The following MYOM3 variants were observed in gnomAD, a reference collection of about 807,000 sequenced individuals.
MYOM3 encodes the protein myomesin-3.
A neutral mutation model predicts 191.7 loss-of-function variants in MYOM3; 155 were observed. The ratio of observed to expected loss-of-function variants is 0.81; its 90% CI spans 0.71 to 0.92. The LOEUF is 0.92. Ranked by LOEUF, MYOM3 falls within the 40% of genes least tolerant of loss-of-function variation. MYOM3 has a pLI of 0.00. For synonymous variants in MYOM3, 757 were observed against 762.9 expected, an observed-to-expected ratio of 0.99 and a Z score of 0.13; for missense variants, 1,889 against 1,890.6, an observed-to-expected ratio of 1.00 and a Z score of 0.02.
chr1:24,099,822 G>A, intron 5 of MYOM3, 47 bp from the exon 6 acceptor site: 1 of 1,370,492 alleles, frequency 7.3e-7, no homozygotes, highest in Non-Finnish European at 1.0e-6. Context: ...TTCTAAGCGG[G>A]AGGGGTCTGG....
Position 24,076,212 on chromosome 1 carries a change from C to A in MYOM3, c.2648G>T (p.Gly883Val). ...VFQVQAMNSAGLGQPSMPTDP... is the reference protein window; with the variant it reads ...VFQVQAMNSAVLGQPSMPTDP... ...AGTGGGCATGGACGGTTGCCCCAGA[C>A]CAGCTGAATTCATGGCCTGTACCTG... The change falls in exon 21 of 37, where the codon GGT becomes GTT. Residue 883 changes from glycine to valine, a missense_variant. Coordinates refer to ENST00000374434, the MANE Select transcript of MYOM3 (RefSeq NM_152372.4). 6.2e-7 allele frequency: 1 copy of A among 1,614,220 alleles called. No individual in the cohort carries two copies. Among genetic ancestry groups the A allele is most frequent in the Non-Finnish European group, 8.5e-7 (1 of 1,180,034 alleles).
chr1:24,066,451 T>A, intron 28 of MYOM3: 1 of 568,012 alleles, frequency 1.8e-6, no homozygotes, highest in South Asian at 2.1e-5. Context: ...ACTGAATGAA[T>A]ATGCTTCTGG....
At chr1:24,105,529 A>AT (rs1643975007) in intron 5 of MYOM3, among the ~76,000 whole-genome samples, 1 of 152,184 alleles carries the variant, frequency 6.6e-6, no homozygotes, top group African/African-American at 2.4e-5. Flanking sequence ...CCAGAATCAT[A>AT]TTTTTATGAG....
At chr1:24,069,773 C>T (rs2148545359) in intron 25 of MYOM3, among the ~76,000 whole-genome samples, 1 of 152,140 alleles carries the variant, frequency 6.6e-6, no homozygotes, top group African/African-American at 2.4e-5. Flanking sequence ...CCATGCCTGG[C>T]TAAGTTTTTG....
intron 5 of MYOM3, among the ~76,000 whole-genome samples, chr1:24,104,054 C>T (rs1570887976): frequency 6.6e-6 from 1 of 152,232 alleles, no homozygotes; most frequent in African/African-American, 2.4e-5. Flanking sequence ...TCCTGACTCA[C>T]ATTGGCTGTG....
At chr1:24,093,312 G>T (rs955922880) in intron 9 of MYOM3, among the ~76,000 whole-genome samples, 3 of 152,202 alleles carry the variant, frequency 2.0e-5, no homozygotes, top group Non-Finnish European at 2.9e-5. Context: ...AGGGCTTGGG[G>T]AGTAGGGAAG....
chr1:24,078,397 A>T (rs918934921), intron 20 of MYOM3, among the ~76,000 whole-genome samples: 5 of 152,176 alleles, frequency 3.3e-5, no homozygotes, highest in Non-Finnish European at 7.4e-5. Flanking sequence ...GATTACAGGC[A>T]TGAGACCCGC....
chr1:24,093,655 C>T (rs1643863774), intron 9 of MYOM3, among the ~76,000 whole-genome samples: 1 of 152,014 alleles, frequency 6.6e-6, no homozygotes, highest in Admixed American at 6.5e-5. Context: ...GGGGCGGGCC[C>T]TGCCTTGAGG....
At chr1:24,080,233 G>T (rs770534502) in intron 19 of MYOM3, 39 bp from the exon 20 acceptor site, 2 of 1,498,350 alleles carry the variant, frequency 1.3e-6, no homozygotes, top group Non-Finnish European at 1.8e-6. Context: ...GTGTGAGTTG[G>T]GCAGCCAGGC....
Position 24,108,517 on chromosome 1 carries a change from CAGG to C in MYOM3, c.117_119del (p.Ser39_Leu40delinsArg). On this transcript the variant is annotated inframe_deletion, in exon 2 of 37. Transcript: ENST00000374434. ...GCCTCCGCACAGAGGAGCCCATGCG[CAGG>C]CTGTGCTGCCGCTCCTCCTTCTGCT... 2 of 1,580,858 alleles carry C rather than the reference CAGG, an allele frequency of 1.3e-6. No individual in the cohort carries two copies. Among genetic ancestry groups the C allele is most frequent in the Non-Finnish European group, 1.7e-6 (2 of 1,164,064 alleles).
chr1:24,060,830 T>C (rs926819443), intron 35 of MYOM3, among the ~76,000 whole-genome samples: 1 of 152,208 alleles, frequency 6.6e-6, no homozygotes, highest in African/African-American at 2.4e-5. Context: ...ATGTAGTCCA[T>C]GTGCCTGCGA....
intron 25 of MYOM3, 128 bp from the exon 26 acceptor site, chr1:24,068,495 C>T (rs762013359): frequency 3.4e-5 from 38 of 1,102,936 alleles, no homozygotes; most frequent in Non-Finnish European, 4.6e-5. Context: ...TGGGGCTGGC[C>T]GTTGGGTAAC....
chr1:24,083,810 T>C (rs927555191), intron 16 of MYOM3: 3 of 152,696 alleles, frequency 2.0e-5, no homozygotes, highest in African/African-American at 7.2e-5. Flanking sequence ...TGGGTTCAAG[T>C]CCCAGTCCTG....
rs1368684879 is a variant in MYOM3 at position 24,057,484 on chromosome 1, G to C, written c.4194C>G (p.Asn1398Lys). 1.2e-6 allele frequency: 2 copies of C among 1,614,114 alleles called. No homozygotes were observed. Among genetic ancestry groups the C allele is most frequent in the East Asian group, 4.5e-5 (2 of 44,894 alleles). The change falls in exon 37 of 37, where the codon AAC becomes AAG. Residue 1398 changes from asparagine (N) to lysine (K), a missense_variant. Asn to Lys is a moderately conservative substitution (Grantham distance 94). Transcript: ENST00000374434. The stretch of plus-strand genomic sequence containing the variant: ...CGCCGTAGCGGCCGCTGTCTTCACT[G>C]TTGACCTTCTCAATGGTGATGGTGA... ...TEVTITIEKV[N>K]SEDSGRYGVF...
At chr1:24,103,279 C>T (rs745528020) in intron 5 of MYOM3, among the ~76,000 whole-genome samples, 23 of 152,224 alleles carry the variant, frequency 1.5e-4, no homozygotes, top group African/African-American at 3.6e-4. Context: ...CAGCAACTTG[C>T]GTGCGGGGAT....
intron 14 of MYOM3, among the ~76,000 whole-genome samples, chr1:24,089,011 C>G (rs972766407): frequency 3.9e-5 from 6 of 152,220 alleles, no homozygotes; most frequent in African/African-American, 1.4e-4. Flanking sequence ...ACTGCCCCCC[C>G]TCCACTGTGA....
At position 24,067,832 on chromosome 1, in the gene MYOM3, TG is replaced by T. The variant is rs900517796; in HGVS notation, c.3355+137del. 4.8e-6 allele frequency: 4 copies of T among 836,152 alleles called. No individual in the cohort carries two copies. The African/African-American group carries it at 6.8e-5, about 14-fold the overall frequency. 51.8% of individuals were successfully genotyped at this position (836,152 alleles called of 1,614,324 possible). On this transcript the variant is annotated intron_variant, in intron 27 of 36. Coordinates refer to ENST00000374434, the MANE Select transcript of MYOM3 (RefSeq NM_152372.4). Reference sequence around the variant, plus strand: ...GGCAAGAGCTATTTTGATCTGGCACTGGGACAGAACTGGACTGAATGACAGT... The same window carrying T: ...GGCAAGAGCTATTTTGATCTGGCACTGGACAGAACTGGACTGAATGACAGT...
Position 24,067,091 on chromosome 1 carries a change from G to C in MYOM3, c.3356-3C>G, listed in dbSNP as rs1473090609. On this transcript the variant is annotated splice_polypyrimidine_tract_variant and splice_region_variant and intron_variant, in intron 27 of 36. Transcript: ENST00000374434. ...CAACGGCCGCTCAAAATAGGGACCT[G>C]TGCGTGCAAAACAAATGTGCCCACT... 6.4e-7 allele frequency: 1 copy of C among 1,570,572 alleles called. No homozygotes were observed. The highest frequency in any genetic ancestry group is 8.7e-7 in the Non-Finnish European group (1 of 1,155,692).
rs762464823 is a variant in MYOM3 at position 24,063,821 on chromosome 1, AG to A, written c.3622+250del. On this transcript the variant is annotated intron_variant, in intron 30 of 36. Transcript: ENST00000374434. This position sits in a 1 kb window ranked among gnomAD's most constrained non-coding sequence, Gnocchi z 4.5. The stretch of plus-strand genomic sequence containing the variant: ...GCCTGGGCCCACTGTGGGACGGAGG[AG>A]TGAACTCAGGCTTCGGGTCTCCAAG... Among the ~76,000 whole-genome samples, 100 of 152,126 alleles carry A rather than the reference AG, an allele frequency of 6.6e-4. No homozygotes were observed. Among genetic ancestry groups the A allele is most frequent in the Middle Eastern group, 3.4e-3 (1 of 294 alleles).
Sources: gnomAD v4.1 joint callset for allele counts (sites outside exome capture counted in the v4.1 genomes callset) on GRCh38, gnomAD v4.1.1 for gene constraint, Gnocchi (gnomAD v3.1) non-coding constraint, MANE v1.5 for transcripts, NCBI Gene and HGNC (gene_info 2026-07-23, HGNC 2026-07-21) for gene names.